The following PRPSAP2 variants were observed in gnomAD, a reference collection of about 807,000 sequenced individuals.
The protein encoded by PRPSAP2 is phosphoribosyl pyrophosphate synthase-associated protein 2.
In PRPSAP2, 24 loss-of-function variants were observed where a neutral mutation model predicts 40.6. That is an observed-to-expected ratio of 0.59 (90% CI 0.43 to 0.83). The LOEUF is 0.83. Among genes scored for constraint, PRPSAP2 ranks in the 40% least tolerant of loss-of-function variants. PRPSAP2 has a pLI of 0.00. For missense variants in PRPSAP2, 292 were observed against 465.6 expected (o/e 0.63, Z 3.43); for synonymous variants, 149 against 164.7 (o/e 0.90, Z 0.73).
chr17:18,880,167 T>C (rs2038626653), intron 6 of PRPSAP2, among the ~76,000 whole-genome samples: 1 of 152,188 alleles, frequency 6.6e-6, no homozygotes, highest in Non-Finnish European at 1.5e-5. Flanking sequence ...GTAAACACTA[T>C]GACAGGCAGC....
At chr17:18,925,964 G>A (rs1177228568) in intron 10 of PRPSAP2, among the ~76,000 whole-genome samples, 2 of 151,972 alleles carry the variant, frequency 1.3e-5, no homozygotes, top group Non-Finnish European at 2.9e-5. Context: ...AATTAGCCGG[G>A]CGTAGTGGTG....
chr17:18,857,153 G>A (rs2036635461), upstream of PRPSAP2, among the ~76,000 whole-genome samples: 2 of 152,022 alleles, frequency 1.3e-5, no homozygotes, highest in Non-Finnish European at 2.9e-5. Context: ...GGCCAACATG[G>A]TGAAACCCTG....
At chr17:18,915,152 A>G (rs6502678) in intron 9 of PRPSAP2, among the ~76,000 whole-genome samples, 139,524 of 151,774 alleles carry the variant, frequency 0.92, 64,728 homozygotes, top group African/African-American at 0.98. Flanking sequence ...AGCCTCCCAA[A>G]TAGCTGGGAC....
At chr17:18,919,016 G>C (rs1354801339) in intron 9 of PRPSAP2, among the ~76,000 whole-genome samples, 1 of 152,074 alleles carries the variant, frequency 6.6e-6, no homozygotes, top group African/African-American at 2.4e-5. Flanking sequence ...ATTGCTCTAG[G>C]GGTTGGTAAC....
At chr17:18,895,657 G>T (rs1479900291) in intron 8 of PRPSAP2, among the ~76,000 whole-genome samples, 1 of 151,226 alleles carries the variant, frequency 6.6e-6, no homozygotes, top group Non-Finnish European at 1.5e-5. Flanking sequence ...ACAGAGTCTT[G>T]CTCTGTTGCC....
intron 4 of PRPSAP2, among the ~76,000 whole-genome samples, 159 bp downstream of exon 4, chr17:18,867,493 C>T (rs528867481): frequency 1.3e-4 from 20 of 152,282 alleles, no homozygotes; most frequent in Middle Eastern, 3.4e-3. Flanking sequence ...TTTTTTAGCT[C>T]TCACTAATAC....
intron 5 of PRPSAP2, among the ~76,000 whole-genome samples, chr17:18,874,259 A>G (rs908440975): frequency 2.0e-5 from 3 of 152,100 alleles, no homozygotes; most frequent in Non-Finnish European, 4.4e-5. Context: ...AAATGTCCCT[A>G]AATGCTTCTG....
chr17:18,929,749 C>G (rs2891982), intron 11 of PRPSAP2: 2 of 152,124 alleles, frequency 1.3e-5, no homozygotes, highest in Non-Finnish European at 2.9e-5. Context: ...TCTCTCTCTT[C>G]GTATTTCATG....
chr17:18,879,691 T>G (rs1285077447), intron 6 of PRPSAP2, among the ~76,000 whole-genome samples: 1 of 152,082 alleles, frequency 6.6e-6, no homozygotes, highest in Non-Finnish European at 1.5e-5. Flanking sequence ...TGACCTCAGG[T>G]GATCCACCTT....
chr17:18,896,903 A>G (rs751431232), intron 8 of PRPSAP2, among the ~76,000 whole-genome samples: 5 of 152,070 alleles, frequency 3.3e-5, no homozygotes, highest in Admixed American at 1.3e-4. Context: ...CTTTTGCAGA[A>G]CTGGAGAGAG....
intron 4 of PRPSAP2, among the ~76,000 whole-genome samples, chr17:18,871,317 GCC>G (rs2037849318): frequency 6.6e-6 from 1 of 152,136 alleles, no homozygotes; most frequent in Non-Finnish European, 1.5e-5. Flanking sequence ...ACCGTGCCCA[GCC>G]TAAAGGGTCT....
chr17:18,921,381 C>T (rs960143431), intron 9 of PRPSAP2, among the ~76,000 whole-genome samples: 17 of 152,024 alleles, frequency 1.1e-4, no homozygotes, highest in East Asian at 1.9e-4. Flanking sequence ...ACTTTTTCAC[C>T]GGCATTGAGG....
At chr17:18,871,436 C>T (rs1285463627) in intron 4 of PRPSAP2, among the ~76,000 whole-genome samples, 2 of 152,110 alleles carry the variant, frequency 1.3e-5, no homozygotes, top group Admixed American at 6.6e-5. Context: ...GAACAATCCC[C>T]TCACCTCTTC....
chr17:18,922,421 T>C (rs2041734538), intron 9 of PRPSAP2, among the ~76,000 whole-genome samples: 1 of 152,154 alleles, frequency 6.6e-6, no homozygotes, highest in Non-Finnish European at 1.5e-5. Flanking sequence ...AAGATTTCAG[T>C]TTCTCCACAT....
At chr17:18,862,470 C>CG (rs1567661435) in intron 1 of PRPSAP2, among the ~76,000 whole-genome samples, 1 of 151,952 alleles carries the variant, frequency 6.6e-6, no homozygotes, top group Non-Finnish European at 1.5e-5. Context: ...TGCCCCTCCC[C>CG]CCATGGCTGT....
intron 10 of PRPSAP2, among the ~76,000 whole-genome samples, chr17:18,925,123 AG>A (rs779714309): frequency 5.3e-5 from 8 of 152,130 alleles, no homozygotes; most frequent in Admixed American, 6.5e-5. Context: ...CCATCTCAAA[AG>A]AAAAAAAAAA....
At chr17:18,901,925 G>C (rs1019093617) in intron 8 of PRPSAP2, among the ~76,000 whole-genome samples, 1 of 152,162 alleles carries the variant, frequency 6.6e-6, no homozygotes, top group Non-Finnish European at 1.5e-5. Flanking sequence ...GGGACTGCAG[G>C]CATGTGCCAC....
intron 10 of PRPSAP2, chr17:18,928,483 C>T (rs778118954): frequency 2.6e-5 from 8 of 305,352 alleles, no homozygotes; most frequent in Non-Finnish European, 4.5e-5. Flanking sequence ...AATTATACCT[C>T]CATCATTTCT....
intron 8 of PRPSAP2, among the ~76,000 whole-genome samples, chr17:18,901,128 G>A (rs1394999459): frequency 6.6e-6 from 1 of 152,150 alleles, no homozygotes; most frequent in East Asian, 1.9e-4. Flanking sequence ...TGCCTGTGTG[G>A]CTAGAGTAAG....
Sources: gnomAD v4.1 joint callset for allele counts (sites outside exome capture counted in the v4.1 genomes callset) on GRCh38, gnomAD v4.1.1 for gene constraint, MANE v1.5 for transcripts, NCBI Gene and HGNC (gene_info 2026-07-23, HGNC 2026-07-21) for gene names.